KCND3: variants seen among roughly 807,000 people sequenced by gnomAD.
KCND3 encodes the protein A-type voltage-gated potassium channel KCND3.
In KCND3, 9 loss-of-function variants were observed where a neutral mutation model predicts 51.1. The observed-to-expected ratio is 0.18, with a 90% CI of 0.11 to 0.31. The LOEUF is 0.31. Ranked by LOEUF, KCND3 falls within the 10% of genes least tolerant of loss-of-function variation. The pLI, the probability that KCND3 is intolerant of heterozygous loss-of-function variation, is 1.00. For synonymous variants in KCND3, 349 were observed against 368.0 expected (o/e 0.95, Z 0.59); for missense variants, 526 against 903.8 (o/e 0.58, Z 5.36).
At chr1:111,788,795 C>G (rs1664713349) in intron 2 of KCND3, among the ~76,000 whole-genome samples, 1 of 152,168 alleles carries the variant, frequency 6.6e-6, no homozygotes, top group South Asian at 2.1e-4. Context: ...ACCATATGAT[C>G]TTGGGGGAAT....
intron 2 of KCND3, among the ~76,000 whole-genome samples, chr1:111,970,347 T>G (rs1385834930): frequency 6.6e-6 from 1 of 152,216 alleles, no homozygotes; most frequent in South Asian, 2.1e-4. Flanking sequence ...CTTCAGATAA[T>G]TTGCCTGTTC....
At chr1:111,851,388 T>A (rs1667809309) in intron 2 of KCND3, among the ~76,000 whole-genome samples, 1 of 152,196 alleles carries the variant, frequency 6.6e-6, no homozygotes, top group Admixed American at 6.5e-5. Flanking sequence ...GAATGCAGTT[T>A]CCTTGAGTCC....
intron 2 of KCND3, among the ~76,000 whole-genome samples, chr1:111,840,363 G>A (rs879809649): frequency 7.2e-5 from 11 of 152,058 alleles, no homozygotes; most frequent in East Asian, 3.9e-4. Flanking sequence ...GACGGGCCCC[G>A]CACCTTTTCC....
In KCND3 at chr1:111,838,593, G is replaced by T. The variant is rs575613450; in HGVS notation, c.1107-51487C>A. The stretch of plus-strand genomic sequence containing the variant: ...AATGGCTTGAACCTGGGAGGCGGAG[G>T]TTGCAGTGAGCCGAGATCGCACCAC... On this transcript the variant is annotated intron_variant, in intron 2 of 7. Transcript: ENST00000302127. 7.8e-4 allele frequency among the ~76,000 whole-genome samples: 119 copies of T among 152,182 alleles called. 2 individuals carry two copies. The highest frequency in any genetic ancestry group is 2.8e-3 in the African/African-American group (116 of 41,500).
intron 2 of KCND3, among the ~76,000 whole-genome samples, chr1:111,796,428 C>A (rs1364787992): frequency 6.6e-6 from 1 of 152,048 alleles, no homozygotes; most frequent in Non-Finnish European, 1.5e-5. Flanking sequence ...ACATATACAT[C>A]ATGGAATACT....
At chr1:111,860,012 C>T (rs900844928) in intron 2 of KCND3, among the ~76,000 whole-genome samples, 1 of 152,196 alleles carries the variant, frequency 6.6e-6, no homozygotes, top group African/African-American at 2.4e-5. Context: ...GCCCTAAAGA[C>T]AATCAGGAAC....
chr1:111,777,609 G>T (rs1307833245), intron 6 of KCND3, among the ~76,000 whole-genome samples: 1 of 152,214 alleles, frequency 6.6e-6, no homozygotes, highest in East Asian at 1.9e-4. Context: ...TAGAGGCAAA[G>T]ACTTTACTTT....
chr1:111,797,810 T>C (rs1665122936), intron 2 of KCND3, among the ~76,000 whole-genome samples: 2 of 148,630 alleles, frequency 1.3e-5, no homozygotes, highest in Middle Eastern at 3.4e-3. Flanking sequence ...AATCCAGGAA[T>C]TTGAACTTCT....
chr1:111,955,628 A>G (rs10745322), intron 2 of KCND3, among the ~76,000 whole-genome samples: 73,840 of 152,098 alleles, frequency 0.49, 18,363 homozygotes, highest in Admixed American at 0.6. Flanking sequence ...AAGGTTCATT[A>G]GTGCTTAATG....
rs72548726 is a variant in KCND3 at position 111,786,931 on chromosome 1, G to A, written c.1269+13C>T. On this transcript the variant is annotated intron_variant, in intron 3 of 7. Coordinates refer to ENST00000302127, the MANE Select transcript of KCND3 (RefSeq NM_001378969.1). ...CTTTACACTGCCCCCGCTTCCCTGC[G>A]TCTGAGGCTTACCTTTTGTGCCCTG... The A allele has an allele frequency of 1.8e-4, 291 of 1,613,926 alleles. No homozygotes were observed. Among genetic ancestry groups the A allele is most frequent in the South Asian group, 9.4e-4 (86 of 91,064 alleles).
In KCND3 at chr1:111,775,009, A is replaced by C. The variant is rs1664050131; in HGVS notation, c.*1068T>G. On this transcript the variant is annotated 3_prime_UTR_variant, in exon 8 of 8. Transcript: ENST00000302127. ...GCCTTTTCAAGATTCCAGTGTGATA[A>C]ATCTGTTCATTCCCTTTCTTTCCCA... 1 of 152,194 alleles carries C rather than the reference A, an allele frequency of 6.6e-6. No homozygotes were observed. Among genetic ancestry groups the C allele is most frequent in the Non-Finnish European group, 1.5e-5 (1 of 68,070 alleles). 9.4% of individuals were successfully genotyped at this position (152,194 alleles called of 1,614,324 possible).
intron 2 of KCND3, among the ~76,000 whole-genome samples, chr1:111,892,527 C>A (rs1669879247): frequency 6.6e-6 from 1 of 152,216 alleles, no homozygotes; most frequent in Non-Finnish European, 1.5e-5. Flanking sequence ...GAGTGCCAGG[C>A]TGTTTTCTGG....
chr1:111,980,517 G>T lies in KCND3; in HGVS notation c.1106+1104C>A, dbSNP rs1674892315. 2.0e-5 allele frequency among the ~76,000 whole-genome samples: 3 copies of T among 151,964 alleles called. No individual in the cohort carries two copies. In the East Asian group the frequency reaches 5.8e-4, roughly 29 times the overall value. On this transcript the variant is annotated intron_variant, in intron 2 of 7. Transcript: ENST00000302127. Reference sequence around the variant, plus strand: ...GGAAAAAAAAAAATCAAATCACCAGGACACCACCAACCACACTGTCAAAGA... The same window carrying T: ...GGAAAAAAAAAAATCAAATCACCAGTACACCACCAACCACACTGTCAAAGA...
chr1:111,812,213 C>CA (rs1432436902), intron 2 of KCND3, among the ~76,000 whole-genome samples: 1 of 152,170 alleles, frequency 6.6e-6, no homozygotes, highest in African/African-American at 2.4e-5. Flanking sequence ...GAGGGAAGGC[C>CA]AACTCCCCGG....
chr1:111,902,869 G>T lies in KCND3; in HGVS notation c.1106+78752C>A, dbSNP rs552753978. Among the ~76,000 whole-genome samples the T allele has an allele frequency of 3.3e-5, 5 of 152,258 alleles. No individual in the cohort carries two copies. The South Asian group carries it at 1.0e-3, about 32-fold the overall frequency. On this transcript the variant is annotated intron_variant, in intron 2 of 7. Coordinates refer to ENST00000302127, the MANE Select transcript of KCND3 (RefSeq NM_001378969.1). ...GATTAGTACCTTCATATATCCCCCT[G>T]CCCATTCTGAACACTTGTGAGAGTA...
At chr1:111,965,486 A>ACACACACACACACACACACG in intron 2 of KCND3, among the ~76,000 whole-genome samples, 1 of 147,920 alleles carries the variant, frequency 6.8e-6, no homozygotes, top group Non-Finnish European at 1.5e-5. Context: ...ACACACACAC[A>ACACACACACACACACACACG]CACGCCAGGA....
chr1:111,813,996 C>T (rs1452258888), intron 2 of KCND3, among the ~76,000 whole-genome samples: 4 of 152,202 alleles, frequency 2.6e-5, no homozygotes, highest in South Asian at 4.1e-4. Context: ...GAGCTTTTTA[C>T]ACAATTTGCT....
At chr1:111,790,228 C>T (rs1366737108) in intron 2 of KCND3, among the ~76,000 whole-genome samples, 1 of 152,130 alleles carries the variant, frequency 6.6e-6, no homozygotes, top group African/African-American at 2.4e-5. Flanking sequence ...GACCCTGGGG[C>T]ATTTATTTAA....
intron 2 of KCND3, among the ~76,000 whole-genome samples, chr1:111,796,882 AG>A (rs1665078623): frequency 6.6e-6 from 1 of 152,218 alleles, no homozygotes; most frequent in Non-Finnish European, 1.5e-5. Context: ...CGACCCTTCC[AG>A]ATCATTGCTG....
Sources: gnomAD v4.1 joint callset for allele counts (sites outside exome capture counted in the v4.1 genomes callset) on GRCh38, gnomAD v4.1.1 for gene constraint, MANE v1.5 for transcripts, NCBI Gene and HGNC (gene_info 2026-07-23, HGNC 2026-07-21) for gene names.